Variants in SLC22A9 observed in about 807,000 individuals in gnomAD.
The protein encoded by SLC22A9 is solute carrier family 22 member 9, also known as organic anion transporter 7.
In SLC22A9, 64 loss-of-function variants were observed where a neutral mutation model predicts 50.1. The ratio of observed to expected loss-of-function variants is 1.28; its 90% CI spans 1.04 to 1.57. The LOEUF is 1.57. SLC22A9 is among the 40% of genes most tolerant of loss of function. SLC22A9 has a pLI of 0.00. For missense variants in SLC22A9, 757 were observed against 676.1 expected (o/e 1.12, Z -1.33); for synonymous variants, 261 against 242.5 (o/e 1.08, Z -0.71).
At chr11:63,400,428 G>A (rs1250892896) in intron 6 of SLC22A9, among the ~76,000 whole-genome samples, 2 of 151,850 alleles carry the variant, frequency 1.3e-5, no homozygotes, top group Non-Finnish European at 2.9e-5. Flanking sequence ...AAATTTTTTT[G>A]ACACATAGAA....
intron 4 of SLC22A9, 149 bp from the exon 5 acceptor site, chr11:63,375,496 T>C: frequency 9.3e-7 from 1 of 1,074,458 alleles, no homozygotes; most frequent in Non-Finnish European, 1.3e-6. Flanking sequence ...TTTCTAGTTA[T>C]AGTCAAAGAG....
intron 6 of SLC22A9, 54 bp from the exon 7 acceptor site, chr11:63,406,443 A>G (rs187745114): frequency 5.8e-5 from 86 of 1,495,556 alleles, no homozygotes; most frequent in Non-Finnish European, 7.7e-5. Flanking sequence ...TCTCATTTGT[A>G]GGATGTAGGC....
chr11:63,408,584 A>G (rs1295070439), intron 8 of SLC22A9, 92 bp from the exon 9 acceptor site: 14 of 1,145,402 alleles, frequency 1.2e-5, no homozygotes, highest in Middle Eastern at 2.1e-4. Flanking sequence ...GTGTGTCTAA[A>G]TGTTCCCCCA....
Position 63,375,710 on chromosome 11 carries a change from T to A in SLC22A9, c.896T>A (p.Leu299His). ...AAACCAGAGGAAGGCTTAAAGGAAC[T>A]TAGAAAAGCTGCACACAGGAGTGGA... ...NNKPEEGLKE[L>H]RKAAHRSGMK... The change falls in exon 5 of 10, where the codon CTT (leucine) becomes CAT (histidine). Residue 299 changes from leucine to histidine, a missense_variant. Transcript: ENST00000279178. The A allele has an allele frequency of 6.2e-7, 1 of 1,612,674 alleles. No homozygotes were observed.
intron 2 of SLC22A9, 58 bp downstream of exon 2, chr11:63,371,296 A>G: frequency 7.6e-7 from 1 of 1,317,348 alleles, no homozygotes; most frequent in Non-Finnish European, 1.1e-6. Flanking sequence ...CTTATGAAAC[A>G]TTATTTCATC....
intron 6 of SLC22A9, among the ~76,000 whole-genome samples, chr11:63,392,598 AG>A (rs1378164831): frequency 1.4e-4 from 22 of 151,964 alleles, no homozygotes; most frequent in African/African-American, 5.3e-4. Flanking sequence ...CCAGATGTAT[AG>A]GAGCTCCACT....
Position 63,369,961 on chromosome 11 carries a change from T to G in SLC22A9, c.-96T>G. ...AGAGTGGGGTCAGGATCAAAACACATTTAGTGTGACTTAGGGAAAGAAAAC... is the reference window on the plus strand; with the variant it reads ...AGAGTGGGGTCAGGATCAAAACACAGTTAGTGTGACTTAGGGAAAGAAAAC... On this transcript the variant is annotated 5_prime_UTR_variant, in exon 1 of 10. Coordinates refer to ENST00000279178, the MANE Select transcript of SLC22A9 (RefSeq NM_080866.3). 8.0e-7 allele frequency: 1 copy of G among 1,254,974 alleles called. No individual in the cohort carries two copies. Among genetic ancestry groups the G allele is most frequent in the Non-Finnish European group, 1.1e-6 (1 of 904,806 alleles). The allele number at this position is 1,254,974 out of a possible 1,614,324, so 77.7% of individuals were successfully genotyped here.
At chr11:63,375,831 C>T in intron 5 of SLC22A9, 63 bp downstream of exon 5, 3 of 1,580,334 alleles carry the variant, frequency 1.9e-6, no homozygotes, top group East Asian at 2.3e-5. Flanking sequence ...CAATACTTAG[C>T]AGTAGCAGTG....
chr11:63,373,533 C>A (rs2014401929), intron 2 of SLC22A9, 111 bp from the exon 3 acceptor site: 1 of 1,125,710 alleles, frequency 8.9e-7, no homozygotes, highest in Non-Finnish European at 1.2e-6. Context: ...GCTTCAAATG[C>A]AAAGTTTCAC....
At chr11:63,379,608 T>C (rs1038789476) in intron 5 of SLC22A9, among the ~76,000 whole-genome samples, 3 of 152,112 alleles carry the variant, frequency 2.0e-5, no homozygotes, top group East Asian at 3.8e-4. Flanking sequence ...GAGAAAATAT[T>C]TGCAAACTGT....
intron 6 of SLC22A9, among the ~76,000 whole-genome samples, chr11:63,397,461 T>A (rs2014879248): frequency 6.6e-6 from 1 of 152,100 alleles, no homozygotes; most frequent in Non-Finnish European, 1.5e-5. Flanking sequence ...GTTATTCCCT[T>A]CACGGTCACA....
Position 63,375,772 on chromosome 11 carries a change from A to T in SLC22A9, c.954+4A>T, listed in dbSNP as rs1393574065. 1.9e-6 allele frequency: 3 copies of T among 1,611,106 alleles called. No homozygotes were observed. Among genetic ancestry groups the T allele is most frequent in the Non-Finnish European group, 2.5e-6 (3 of 1,178,184 alleles). ...CAGAGACACCCTAACCCTGGAGGTG[A>T]GCTGGATGGGAGCTAGATATGGGAT... On this transcript the variant is annotated splice_donor_region_variant and intron_variant, in intron 5 of 9. Coordinates refer to ENST00000279178, the MANE Select transcript of SLC22A9 (RefSeq NM_080866.3).
At position 63,408,922 on chromosome 11, in the gene SLC22A9, A is replaced by G. The variant is rs73485838; in HGVS notation, c.1601+43A>G. 3.1e-3 allele frequency: 5,018 copies of G among 1,603,236 alleles called. 125 individuals carry two copies. The African/African-American group carries it at 0.058, about 19-fold the overall frequency. ...TTGCCCCTCAGAGGATCTGTGTGCT[A>G]TAGGTCTGTGCTGAGGAAGGCAAAA... On this transcript the variant is annotated intron_variant, in intron 9 of 9. Coordinates refer to ENST00000279178, the MANE Select transcript of SLC22A9 (RefSeq NM_080866.3).
chr11:63,373,226 C>T (rs1272626416), intron 2 of SLC22A9, among the ~76,000 whole-genome samples: 1 of 150,528 alleles, frequency 6.6e-6, no homozygotes, highest in East Asian at 1.9e-4. Context: ...CCATAGCCTG[C>T]ACTGTCCTAG....
rs116103689 is a variant in SLC22A9 at position 63,398,478 on chromosome 11, G to A, written c.1074-8019G>A. Reference sequence around the variant, plus strand: ...TAGACCTTTAGTCCATGATGGTGAGGCTTGTCAGAACCCAGATTCTGACCA... The same window carrying A: ...TAGACCTTTAGTCCATGATGGTGAGACTTGTCAGAACCCAGATTCTGACCA... On this transcript the variant is annotated intron_variant, in intron 6 of 9. Transcript: ENST00000279178. Among the ~76,000 whole-genome samples, 431 of 152,276 alleles carry A rather than the reference G, an allele frequency of 2.8e-3. 3 individuals carry two copies. The highest frequency in any genetic ancestry group is 8.9e-3 in the African/African-American group (368 of 41,550).
intron 6 of SLC22A9, among the ~76,000 whole-genome samples, chr11:63,397,526 G>C (rs1051581232): frequency 3.9e-5 from 6 of 152,160 alleles, no homozygotes; most frequent in Non-Finnish European, 8.8e-5. Flanking sequence ...CCAGGGCTTA[G>C]AGTCAGAAAC....
chr11:63,373,280 T>C (rs1162267998), intron 2 of SLC22A9, among the ~76,000 whole-genome samples: 1 of 152,112 alleles, frequency 6.6e-6, no homozygotes, highest in Non-Finnish European at 1.5e-5. Flanking sequence ...TATGCCCTGC[T>C]CAGGCTCTCT....
At chr11:63,378,872 CACAA>C (rs1412100484) in intron 5 of SLC22A9, among the ~76,000 whole-genome samples, 1 of 151,954 alleles carries the variant, frequency 6.6e-6, no homozygotes, top group Non-Finnish European at 1.5e-5. Flanking sequence ...CAGAGATGAC[CACAA>C]ACAAATGCAA....
chr11:63,370,716 G>A (rs2014340074), intron 1 of SLC22A9, among the ~76,000 whole-genome samples: 1 of 152,140 alleles, frequency 6.6e-6, no homozygotes, highest in Admixed American at 6.6e-5. Flanking sequence ...TATATAATAT[G>A]TTAAAATGTT....
Sources: gnomAD v4.1 joint callset for allele counts (sites outside exome capture counted in the v4.1 genomes callset) on GRCh38, gnomAD v4.1.1 for gene constraint, MANE v1.5 for transcripts, NCBI Gene and HGNC (gene_info 2026-07-23, HGNC 2026-07-21) for gene names.